The following SWAP70 variants were observed in gnomAD, a reference collection of about 807,000 sequenced individuals.
The protein encoded by SWAP70 is switch-associated protein 70.
In SWAP70, 34 loss-of-function variants were observed where a neutral mutation model predicts 80.2. The ratio of observed to expected loss-of-function variants is 0.42; its 90% CI spans 0.32 to 0.56. The LOEUF (loss-of-function observed/expected upper bound fraction) is 0.56, where lower values mean the gene tolerates loss of function less well. Among genes scored for constraint, SWAP70 ranks in the 20% least tolerant of loss-of-function variants. The probability of loss-of-function intolerance (pLI) is 0.09; values close to 1 mark genes in which losing one functional copy is unlikely to be tolerated. For missense variants in SWAP70, 578 were observed against 690.7 expected (o/e 0.84, Z 1.83); for synonymous variants, 239 against 238.5 (o/e 1.00, Z -0.02).
rs1288948241 is a variant in SWAP70 at position 9,751,257 on chromosome 11, T to C, written c.*1287T>C. 1.3e-5 allele frequency: 2 copies of C among 152,338 alleles called. No homozygotes were observed. The highest frequency in any genetic ancestry group is 3.9e-4 in the East Asian group (2 of 5,188). 9.4% of individuals were successfully genotyped at this position (152,338 alleles called of 1,614,324 possible). A position where few individuals can be genotyped will look rare whatever the true frequency, so the allele number is the denominator to read the frequency against. The stretch of plus-strand genomic sequence containing the variant: ...AGCTTTTCTGCTTTTTCCCTTCCTC[T>C]GTGGTGACAACGGAGGAAATATCCA... On this transcript the variant is annotated 3_prime_UTR_variant, in exon 12 of 12. Coordinates refer to ENST00000318950, the MANE Select transcript of SWAP70 (RefSeq NM_015055.4).
chr11:9,665,099 C>T (rs1394333667), intron 1 of SWAP70, among the ~76,000 whole-genome samples: 4 of 152,126 alleles, frequency 2.6e-5, no homozygotes, highest in East Asian at 1.9e-4. Context: ...TTGGCAGCTT[C>T]TTCAAAGTAA....
chr11:9,683,384 C>G (rs556710315), intron 1 of SWAP70, among the ~76,000 whole-genome samples: 1 of 151,756 alleles, frequency 6.6e-6, no homozygotes, highest in Non-Finnish European at 1.5e-5. Context: ...CTACTGCACT[C>G]CAGCCTGAGT....
chr11:9,726,777 T>C, intron 4 of SWAP70: 1 of 417,994 alleles, frequency 2.4e-6, no homozygotes. Context: ...TAATTTTGCT[T>C]AAGTAAACAT....
intron 6 of SWAP70, among the ~76,000 whole-genome samples, chr11:9,729,763 A>G (rs905635144): frequency 6.6e-6 from 1 of 152,154 alleles, no homozygotes; most frequent in Non-Finnish European, 1.5e-5. Flanking sequence ...AAGTGCTGGG[A>G]TTACAGGCGT....
At chr11:9,694,540 T>A (rs1184800049) in intron 2 of SWAP70, among the ~76,000 whole-genome samples, 1 of 152,206 alleles carries the variant, frequency 6.6e-6, no homozygotes, top group Non-Finnish European at 1.5e-5. Flanking sequence ...TTTGTGTTAA[T>A]CTGTACCTAT....
At chr11:9,713,209 T>C (rs999631353) in intron 2 of SWAP70, among the ~76,000 whole-genome samples, 2 of 152,224 alleles carry the variant, frequency 1.3e-5, no homozygotes, top group African/African-American at 4.8e-5. Context: ...CATGAAACGG[T>C]AACTATTTGA....
At chr11:9,720,019 GC>G in intron 3 of SWAP70, 1 of 972,514 alleles carries the variant, frequency 1.0e-6, no homozygotes, top group Non-Finnish European at 1.2e-6. Flanking sequence ...GGTGAAACTT[GC>G]TTGGAAGGAG....
At chr11:9,681,895 T>C (rs780613123) in intron 1 of SWAP70, among the ~76,000 whole-genome samples, 8 of 152,112 alleles carry the variant, frequency 5.3e-5, no homozygotes, top group Non-Finnish European at 1.2e-4. Flanking sequence ...AAGTAAAACC[T>C]TTAGAGGAAC....
intron 3 of SWAP70, among the ~76,000 whole-genome samples, chr11:9,714,102 A>T (rs1851034570): frequency 6.6e-6 from 1 of 152,190 alleles, no homozygotes; most frequent in Non-Finnish European, 1.5e-5. Flanking sequence ...AAAGAAAGAG[A>T]ATGCTTGCTT....
intron 4 of SWAP70, among the ~76,000 whole-genome samples, chr11:9,725,652 A>G (rs527380334): frequency 6.9e-6 from 1 of 144,428 alleles, no homozygotes; most frequent in African/African-American, 2.6e-5. Context: ...GCTCACTGCA[A>G]CCTCCGCCTC....
chr11:9,692,236 A>G (rs1479300622), intron 1 of SWAP70, among the ~76,000 whole-genome samples: 1 of 141,618 alleles, frequency 7.1e-6, no homozygotes, highest in East Asian at 2.0e-4. Flanking sequence ...ATATATATAT[A>G]TATTTAATTT....
intron 1 of SWAP70, among the ~76,000 whole-genome samples, chr11:9,674,947 C>T (rs1365653424): frequency 4.9e-5 from 7 of 141,946 alleles, no homozygotes; most frequent in African/African-American, 1.3e-4. Flanking sequence ...CCAGCCTGGG[C>T]GACAGAGCGA....
chr11:9,710,007 G>A (rs183294807), intron 2 of SWAP70, among the ~76,000 whole-genome samples: 208 of 152,184 alleles, frequency 1.4e-3, no homozygotes, highest in African/African-American at 4.7e-3. Flanking sequence ...CAGTGGAAGT[G>A]GATCATTGTA....
chr11:9,725,546 TATATATATATATATATA>T (rs1851202381), intron 4 of SWAP70, among the ~76,000 whole-genome samples: 1 of 9,318 alleles, frequency 1.1e-4, no homozygotes, highest in African/African-American at 3.3e-4. Context: ...TATATATATA[TATATATATATATATATA>T]TATATATTTT....
At chr11:9,678,946 A>G (rs1472152410) in intron 1 of SWAP70, among the ~76,000 whole-genome samples, 1 of 152,102 alleles carries the variant, frequency 6.6e-6, no homozygotes, top group African/African-American at 2.4e-5. Context: ...GCGTTTCATG[A>G]AACTATTTTT....
chr11:9,695,826 A>T (rs1850750169), intron 2 of SWAP70, among the ~76,000 whole-genome samples: 1 of 151,820 alleles, frequency 6.6e-6, no homozygotes, highest in Non-Finnish European at 1.5e-5. Flanking sequence ...GAGGGGTCTC[A>T]TCCTGTCACC....
chr11:9,724,715 C>G lies in SWAP70; in HGVS notation c.472C>G (p.Gln158Glu), dbSNP rs745629320. The stretch of plus-strand genomic sequence containing the variant: ...TATGGGAGGAGGTTGGCAGCAAGAA[C>G]AATTTGAACATTATAAAATCAACTT... ...EAMGGGWQQEQFEHYKINFDD... is the reference protein window; with the variant it reads ...EAMGGGWQQEEFEHYKINFDD... Residue 158 changes from glutamine (Q) to glutamate (E), a missense_variant, in exon 4 of 12, where the codon CAA becomes GAA. Physicochemically the swap from Gln to Glu is conservative, Grantham distance 29 (BLOSUM62 2). Coordinates refer to ENST00000318950, the MANE Select transcript of SWAP70 (RefSeq NM_015055.4). 1.2e-6 allele frequency: 2 copies of G among 1,614,064 alleles called. No homozygotes were observed. The highest frequency in any genetic ancestry group is 1.7e-6 in the Non-Finnish European group (2 of 1,180,002).
chr11:9,707,167 T>C (rs900978485), intron 2 of SWAP70, among the ~76,000 whole-genome samples: 10 of 152,202 alleles, frequency 6.6e-5, no homozygotes, highest in Non-Finnish European at 1.5e-5. Flanking sequence ...AAAAAACTGG[T>C]AAAAATATAT....
intron 1 of SWAP70, among the ~76,000 whole-genome samples, chr11:9,671,421 AATAT>A (rs1187126248): frequency 2.3e-5 from 2 of 86,362 alleles, no homozygotes; most frequent in Non-Finnish European, 3.8e-5. Flanking sequence ...TATATTTATA[AATAT>A]ATATATAAAT....
Sources: gnomAD v4.1 joint callset for allele counts (sites outside exome capture counted in the v4.1 genomes callset) on GRCh38, gnomAD v4.1.1 for gene constraint, MANE v1.5 for transcripts, NCBI Gene and HGNC (gene_info 2026-07-23, HGNC 2026-07-21) for gene names.